Variants in ZNF892 observed in about 807,000 individuals in gnomAD.
The protein encoded by ZNF892 is zinc finger protein 570-like.
chr2:95,254,805 C>T, the ZNF892 span, among the ~76,000 whole-genome samples: 1 of 152,212 alleles, frequency 6.6e-6, no homozygotes, highest in Non-Finnish European at 1.5e-5. Context: ...CTGGTTTAGA[C>T]TTGGGAGGGT....
the ZNF892 span, among the ~76,000 whole-genome samples, chr2:95,235,855 A>G: frequency 2.6e-5 from 4 of 152,358 alleles, no homozygotes; most frequent in South Asian, 6.2e-4. Context: ...GTATAAAACC[A>G]CAGGAGCCAG....
At chr2:95,230,437 A>G in the ZNF892 span, among the ~76,000 whole-genome samples, 1 of 152,138 alleles carries the variant, frequency 6.6e-6, no homozygotes, top group Non-Finnish European at 1.5e-5. Context: ...TCAAGTATTT[A>G]TTGGATATTG....
chr2:95,256,552 GGA>G, the ZNF892 span, among the ~76,000 whole-genome samples: 1 of 152,056 alleles, frequency 6.6e-6, no homozygotes. Flanking sequence ...TATGTGTCTT[GGA>G]GTTGCTCTTC....
At chr2:95,210,069 ATATATATATGTATATATG>A in the ZNF892 span, among the ~76,000 whole-genome samples, 4 of 151,244 alleles carry the variant, frequency 2.6e-5, no homozygotes, top group Non-Finnish European at 4.4e-5. Flanking sequence ...CGTTCGATTC[ATATATATATGTATATATG>A]TATATATATG....
the ZNF892 span, among the ~76,000 whole-genome samples, chr2:95,242,311 T>A: frequency 6.6e-6 from 1 of 152,210 alleles, no homozygotes; most frequent in East Asian, 1.9e-4. Context: ...GAAACCTTAC[T>A]GGCCAGAAGC....
chr2:95,213,845 A>G, the ZNF892 span, among the ~76,000 whole-genome samples: 13 of 152,274 alleles, frequency 8.5e-5, no homozygotes, highest in East Asian at 2.3e-3. Flanking sequence ...GTTGGGACAT[A>G]TTGGAGTAGG....
the ZNF892 span, among the ~76,000 whole-genome samples, chr2:95,211,283 C>A: frequency 1.3e-5 from 2 of 152,172 alleles, no homozygotes; most frequent in Middle Eastern, 3.2e-3. Flanking sequence ...TTACATTTTT[C>A]TCTCCTTTTT....
At chr2:95,214,713 G>A in the ZNF892 span, 5 of 419,704 alleles carry the variant, frequency 1.2e-5, no homozygotes, top group Non-Finnish European at 1.3e-5. Context: ...CAATGAATGC[G>A]AGAAAGCCTT....
the ZNF892 span, among the ~76,000 whole-genome samples, chr2:95,233,286 A>G: frequency 6.6e-6 from 1 of 150,494 alleles, no homozygotes; most frequent in Admixed American, 6.6e-5. Flanking sequence ...TGTGGTTTAG[A>G]ACTCCGGGGC....
At chr2:95,219,792 T>C in the ZNF892 span, among the ~76,000 whole-genome samples, 12 of 152,278 alleles carry the variant, frequency 7.9e-5, no homozygotes, top group East Asian at 1.2e-3. Context: ...GAAGTCCAGG[T>C]TCACCATTGA....
chr2:95,256,431 C>T, the ZNF892 span, among the ~76,000 whole-genome samples: 8 of 152,166 alleles, frequency 5.3e-5, no homozygotes, highest in Non-Finnish European at 7.3e-5. Flanking sequence ...GAGTTTCTGC[C>T]GAGAGATCAG....
chr2:95,231,212 G>C, the ZNF892 span, among the ~76,000 whole-genome samples: 7 of 151,960 alleles, frequency 4.6e-5, no homozygotes, highest in Non-Finnish European at 1.0e-4. Context: ...ACAAATTACA[G>C]TGTATTCACA....
At chr2:95,242,651 C>T in the ZNF892 span, among the ~76,000 whole-genome samples, 7 of 152,164 alleles carry the variant, frequency 4.6e-5, no homozygotes, top group African/African-American at 1.4e-4. Context: ...CAATACTAAC[C>T]TTAAATGTAA....
the ZNF892 span, among the ~76,000 whole-genome samples, chr2:95,262,318 T>G: frequency 6.6e-6 from 1 of 152,098 alleles, no homozygotes; most frequent in East Asian, 1.9e-4. Flanking sequence ...AGGATGGCAT[T>G]GAAGGCTTCA....
the ZNF892 span, chr2:95,212,293 G>T: frequency 2.5e-6 from 1 of 398,512 alleles, no homozygotes; most frequent in Non-Finnish European, 4.4e-6. Context: ...GTGAGTGTTG[G>T]AAACAGTGCA....
chr2:95,222,471 C>G, the ZNF892 span, among the ~76,000 whole-genome samples: 1 of 152,196 alleles, frequency 6.6e-6, no homozygotes, highest in Non-Finnish European at 1.5e-5. Flanking sequence ...TGTGGTTGCT[C>G]CATAATTTGC....
the ZNF892 span, among the ~76,000 whole-genome samples, chr2:95,206,796 G>A: frequency 6.6e-6 from 1 of 152,180 alleles, no homozygotes; most frequent in Non-Finnish European, 1.5e-5. Flanking sequence ...TGGGTAAGGA[G>A]CCCTTAGTGT....
At chr2:95,252,912 C>T in the ZNF892 span, among the ~76,000 whole-genome samples, 181 of 152,242 alleles carry the variant, frequency 1.2e-3, no homozygotes, top group African/African-American at 4.0e-3. Flanking sequence ...TCATATCCTT[C>T]GCCCACTTGT....
the ZNF892 span, among the ~76,000 whole-genome samples, chr2:95,242,754 G>A: frequency 3.3e-5 from 5 of 152,296 alleles, 1 homozygote; most frequent in South Asian, 8.3e-4. Context: ...TCCATCTCAT[G>A]TGCAAAGACA....
Sources: gnomAD v4.1 joint callset for allele counts (sites outside exome capture counted in the v4.1 genomes callset) on GRCh38, gnomAD v4.1.1 for gene constraint, MANE v1.5 for transcripts, NCBI Gene and HGNC (gene_info 2026-07-23, HGNC 2026-07-21) for gene names.